The following HARS1 variants were observed in gnomAD, a reference collection of about 807,000 sequenced individuals.
The protein encoded by HARS1 is histidine--tRNA ligase, cytoplasmic.
Under a neutral mutation model 63.6 loss-of-function variants are expected in HARS1, and 45 were observed. The observed-to-expected ratio is 0.71, with a 90% CI of 0.56 to 0.91. The LOEUF is 0.91. Ranked by LOEUF, HARS1 falls within the 40% of genes least tolerant of loss-of-function variation. The probability of loss-of-function intolerance (pLI) is 0.00; values close to 1 mark genes in which losing one functional copy is unlikely to be tolerated. For synonymous variants in HARS1, 205 were observed against 247.1 expected (o/e 0.83, Z 1.60); for missense variants, 508 against 643.2 (o/e 0.79, Z 2.27).
intron 3 of HARS1, among the ~76,000 whole-genome samples, chr5:140,680,896 CTTT>C (rs1209005938): frequency 5.7e-4 from 79 of 138,852 alleles, no homozygotes; most frequent in Middle Eastern, 7.2e-3. Context: ...GTATATAGCT[CTTT>C]TTTTTTTTAA....
At chr5:140,675,984 T>C (rs1758340205) in intron 10 of HARS1, 1 of 152,190 alleles carries the variant, frequency 6.6e-6, no homozygotes, top group African/African-American at 2.4e-5. Context: ...ACCAGCCACT[T>C]AAGACCAGCA....
chr5:140,689,765 T>G (rs1330264247), intron 2 of HARS1, among the ~76,000 whole-genome samples: 2 of 152,216 alleles, frequency 1.3e-5, no homozygotes, highest in African/African-American at 4.8e-5. Context: ...TTAAAGTTGG[T>G]GTAATAACAA....
intron 2 of HARS1, among the ~76,000 whole-genome samples, chr5:140,689,763 G>A (rs1759263366): frequency 6.6e-6 from 1 of 152,154 alleles, no homozygotes; most frequent in Admixed American, 6.5e-5. Context: ...ACTTAAAGTT[G>A]GTGTAATAAC....
At position 140,674,325 on chromosome 5, in the gene HARS1, C is replaced by T. The variant is rs771603866; in HGVS notation, c.1462G>A (p.Asp488Asn). Reference protein sequence around the residue: ...LRSVTSREEVDVRREDLVEEI... With the variant: ...LRSVTSREEVNVRREDLVEEI... ...TCCACAAGGTCTTCTCTTCGGACAT[C>T]CACCTGGCCAGGATGGGAGAAGAAG... The change falls in exon 13 of 13, where the codon GAT (aspartate) becomes AAT (asparagine). Residue 488 changes from aspartate (D) to asparagine (N), a missense_variant. By Grantham distance (23) the Asp-to-Asn change is conservative. This residue lies in a region of HARS1 where 403 missense variants were observed against 548.7 expected (regional missense o/e 0.73). Coordinates refer to ENST00000504156, the MANE Select transcript of HARS1 (RefSeq NM_002109.6). 6 of 1,608,450 alleles carry T rather than the reference C, an allele frequency of 3.7e-6. No individual in the cohort carries two copies. The African/African-American group carries it at 8.0e-5, about 22-fold the overall frequency.
rs748944828 is a variant in HARS1 at position 140,675,073 on chromosome 5, T to G, written c.1255A>C (p.Lys419Gln). 33 of 1,613,616 alleles carry G rather than the reference T, an allele frequency of 2.0e-5. No individual in the cohort carries two copies. In the East Asian group the frequency reaches 4.2e-4, roughly 21 times the overall value. The change falls in exon 11 of 13, where the codon AAG becomes CAG. Residue 419 changes from lysine (K) to glutamine (Q), a missense_variant. Around this residue, in one of 2 missense-constraint regions of HARS1, gnomAD observed 403 missense variants for 548.7 expected, o/e 0.73. Transcript: ENST00000504156. ...AGCTTTAGTCTTTCCTCTAGCAGCTTCTTCTGTGCAGATGCCACAAGCACC... is the reference window on the plus strand; with the variant it reads ...AGCTTTAGTCTTTCCTCTAGCAGCTGCTTCTGTGCAGATGCCACAAGCACC... ...TQVLVASAQK[K>Q]LLEERLKLVS...
At chr5:140,683,291 A>G (rs1291922984) in intron 2 of HARS1, 72 bp from the exon 3 acceptor site, 1 of 1,498,318 alleles carries the variant, frequency 6.7e-7, no homozygotes, top group East Asian at 2.3e-5. Flanking sequence ...TTGGAAATAT[A>G]AAAGGATGAC....
At chr5:140,680,383 G>A (rs1215647955) in intron 3 of HARS1, among the ~76,000 whole-genome samples, 1 of 151,898 alleles carries the variant, frequency 6.6e-6, no homozygotes, top group Non-Finnish European at 1.5e-5. Context: ...TTGACCTCGT[G>A]ATCTGCCCGC....
chr5:140,677,144 T>A, intron 8 of HARS1, 28 bp from the exon 9 acceptor site: 1 of 1,612,546 alleles, frequency 6.2e-7, no homozygotes, highest in Non-Finnish European at 8.5e-7. Flanking sequence ...TGAGTGAGGC[T>A]GACAAGGAAA....
intron 10 of HARS1, 45 bp from the exon 11 acceptor site, chr5:140,675,178 G>A: frequency 8.1e-7 from 1 of 1,231,436 alleles, no homozygotes; most frequent in Non-Finnish European, 1.2e-6. Flanking sequence ...ACACCTTCAA[G>A]GAGCAAACAA....
In HARS1 at chr5:140,674,139, C is replaced by A; in HGVS notation, c.*118G>T. 1 of 766,038 alleles carries A rather than the reference C, an allele frequency of 1.3e-6. No individual in the cohort carries two copies. Among genetic ancestry groups the A allele is most frequent in the South Asian group, 1.4e-5 (1 of 70,694 alleles). 47.5% of individuals were successfully genotyped at this position (766,038 alleles called of 1,614,324 possible). ...TAAAAATCAAAGGCTCTGTTCTGAC[C>A]ACTCTTCAGGTCTTCCGCTGAAACG... On this transcript the variant is annotated 3_prime_UTR_variant, in exon 13 of 13. Coordinates refer to ENST00000504156, the MANE Select transcript of HARS1 (RefSeq NM_002109.6).
chr5:140,691,125 C>A, intron 1 of HARS1, 90 bp downstream of exon 1: 1 of 1,082,926 alleles, frequency 9.2e-7, no homozygotes, highest in Non-Finnish European at 1.4e-6. Flanking sequence ...TGGTCGCTTC[C>A]CTCACATCTC....
Position 140,677,424 on chromosome 5 carries a change from G to A in HARS1, c.730-4C>T. ...TCTTCACCTCTTCCCAGGACACCTAGGCAGACAGACACCAGTCAGGGACCC... is the reference window on the plus strand; with the variant it reads ...TCTTCACCTCTTCCCAGGACACCTAAGCAGACAGACACCAGTCAGGGACCC... On this transcript the variant is annotated splice_polypyrimidine_tract_variant and splice_region_variant and intron_variant, in intron 7 of 12. Transcript: ENST00000504156. The A allele has an allele frequency of 2.5e-6, 4 of 1,609,316 alleles. No homozygotes were observed. Among genetic ancestry groups the A allele is most frequent in the South Asian group, 1.1e-5 (1 of 90,982 alleles).
At position 140,676,446 on chromosome 5, in the gene HARS1, G is replaced by A; in HGVS notation, c.1194+208C>T. 1.6e-6 allele frequency: 1 copy of A among 612,452 alleles called. No homozygotes were observed. Among genetic ancestry groups the A allele is most frequent in the Non-Finnish European group, 2.9e-6 (1 of 350,468 alleles). 37.9% of individuals were successfully genotyped at this position (612,452 alleles called of 1,614,324 possible). A position where few individuals can be genotyped will look rare whatever the true frequency, so the allele number is the denominator to read the frequency against. ...CTGAAGGAAGTAGAGACCCAGAGCA[G>A]AGGATTGAGTGCAGAAAGATTATGG... On this transcript the variant is annotated intron_variant, in intron 10 of 12. Transcript: ENST00000504156. The surrounding 1 kb of genome is among the most constrained non-coding windows in gnomAD (Gnocchi z 4.1).
intron 8 of HARS1, 35 bp from the exon 9 acceptor site, chr5:140,677,151 G>GA (rs1562006420): frequency 6.2e-7 from 1 of 1,607,110 alleles, no homozygotes; most frequent in Non-Finnish European, 8.5e-7. Flanking sequence ...GGCTGACAAG[G>GA]AAACAAAAAA....
At position 140,676,755 on chromosome 5, in the gene HARS1, C is replaced by T. The variant is rs1758389887; in HGVS notation, c.1093G>A (p.Gly365Arg). ...GSVAAGGRYD[G>R]LVGMFDPKGR... ...TTGGGGTCGAACATGCCCACTAGCC[C>T]ATCATAGCGTCCTCCAGCAGCCACA... is the stretch of plus-strand genomic sequence containing the variant. Residue 365 changes from glycine to arginine, a missense_variant, in exon 10 of 13, where the codon GGG becomes AGG. Physicochemically the swap from Gly to Arg is moderately radical, Grantham distance 125. Around this residue, in one of 2 missense-constraint regions of HARS1, gnomAD observed 403 missense variants for 548.7 expected, o/e 0.73. Transcript: ENST00000504156. The surrounding 1 kb of genome is among the most constrained non-coding windows in gnomAD (Gnocchi z 4.1). 3.7e-6 allele frequency: 6 copies of T among 1,614,248 alleles called. No individual in the cohort carries two copies. The East Asian group carries it at 1.1e-4, about 30-fold the overall frequency.
chr5:140,687,500 C>T (rs575463056), intron 2 of HARS1: 9 of 152,014 alleles, frequency 5.9e-5, no homozygotes, highest in African/African-American at 1.4e-4. Context: ...GAGCCAAGAT[C>T]GTGACACTGA....
intron 3 of HARS1, among the ~76,000 whole-genome samples, chr5:140,681,658 A>T (rs1758739714): frequency 1.3e-5 from 2 of 151,700 alleles, no homozygotes; most frequent in Non-Finnish European, 2.9e-5. Context: ...ACAGAGCGAG[A>T]CTCTGTCTCA....
rs763952844 is a variant in HARS1, at chr5:140,683,190, C to T, written c.210G>A (p.Met70Ile). 4 of 1,613,832 alleles carry T rather than the reference C, an allele frequency of 2.5e-6. No individual in the cohort carries two copies. In the East Asian group the frequency reaches 8.9e-5, roughly 36 times the overall value. ...KGTRDYSPRQ[M>I]AVREKVFDVI... ...CGTCAAACACCTTCTCGCGAACTGC[C>T]ATCTGCCGGGGACTATAGTCTCTTG... Residue 70 changes from methionine (M) to isoleucine (I), a missense_variant, in exon 3 of 13, where the codon ATG (methionine) becomes ATA (isoleucine). Transcript: ENST00000504156.
chr5:140,688,545 A>G (rs1166667632), intron 2 of HARS1, among the ~76,000 whole-genome samples: 1 of 152,190 alleles, frequency 6.6e-6, no homozygotes, highest in African/African-American at 2.4e-5. Flanking sequence ...CCTTAATATT[A>G]TCTAATGCTA....
Sources: gnomAD v4.1 joint callset for allele counts (sites outside exome capture counted in the v4.1 genomes callset) on GRCh38, gnomAD v4.1.1 for gene constraint, gnomAD v4.1.1 regional missense constraint, Gnocchi (gnomAD v3.1) non-coding constraint, MANE v1.5 for transcripts, NCBI Gene and HGNC (gene_info 2026-07-23, HGNC 2026-07-21) for gene names.